Variants in PPARG observed in about 807,000 individuals in gnomAD.
The protein encoded by PPARG is peroxisome proliferator-activated receptor gamma.
A neutral mutation model predicts 39.2 loss-of-function variants in PPARG; 17 were observed. The ratio of observed to expected loss-of-function variants is 0.43; its 90% CI spans 0.30 to 0.65. The LOEUF is 0.65. Ranked by LOEUF, PPARG falls within the 30% of genes least tolerant of loss-of-function variation. PPARG has a pLI of 0.13. For synonymous variants in PPARG, 223 were observed against 215.7 expected, an observed-to-expected ratio of 1.03 and a Z score of -0.30; for missense variants, 406 against 585.9, an observed-to-expected ratio of 0.69 and a Z score of 3.17.
intron 2 of PPARG, among the ~76,000 whole-genome samples, chr3:12,368,700 T>G (rs1437439181): frequency 6.6e-6 from 1 of 152,232 alleles, no homozygotes; most frequent in East Asian, 1.9e-4. Flanking sequence ...TTAGCTATTG[T>G]TACTAAATTG....
intron 5 of PPARG, among the ~76,000 whole-genome samples, chr3:12,403,872 G>T (rs2050565069): frequency 6.6e-6 from 1 of 152,162 alleles, no homozygotes; most frequent in Non-Finnish European, 1.5e-5. Context: ...CTTAATATGT[G>T]CCAGAAATTG....
intron 6 of PPARG, among the ~76,000 whole-genome samples, chr3:12,416,206 C>G (rs541537192): frequency 2.0e-5 from 3 of 152,248 alleles, no homozygotes; most frequent in African/African-American, 7.2e-5. Flanking sequence ...TGGTGAAACC[C>G]CATCTCTACT....
At chr3:12,299,396 T>G (rs1262960395) in intron 1 of PPARG, among the ~76,000 whole-genome samples, 2 of 152,176 alleles carry the variant, frequency 1.3e-5, no homozygotes, top group Non-Finnish European at 2.9e-5. Flanking sequence ...TCTCTGAGAT[T>G]GGTATAGTGT....
chr3:12,361,506 A>G (rs528852550), intron 2 of PPARG, among the ~76,000 whole-genome samples: 6 of 152,338 alleles, frequency 3.9e-5, no homozygotes, highest in Non-Finnish European at 8.8e-5. Flanking sequence ...TCCATAATCC[A>G]CACAGAATTG....
intron 2 of PPARG, among the ~76,000 whole-genome samples, chr3:12,322,169 T>C (rs1157078438): frequency 1.3e-5 from 2 of 152,242 alleles, no homozygotes; most frequent in Non-Finnish European, 2.9e-5. Flanking sequence ...ATCCCTTTAC[T>C]AGCCACTTTT....
At chr3:12,399,822 A>AAC (rs1280042218) in intron 5 of PPARG, among the ~76,000 whole-genome samples, 1 of 144,378 alleles carries the variant, frequency 6.9e-6, no homozygotes, top group African/African-American at 2.6e-5. Flanking sequence ...ATGTCTACCA[A>AAC]AAAAAAAAAA....
intron 7 of PPARG, among the ~76,000 whole-genome samples, chr3:12,420,295 G>A (rs1037275928): frequency 2.6e-5 from 4 of 152,160 alleles, no homozygotes; most frequent in Non-Finnish European, 4.4e-5. Context: ...CCACCTCCCC[G>A]ATTGTGCTTC....
chr3:12,417,217 A>C lies in PPARG; in HGVS notation c.1180+63A>C, dbSNP rs1575141925. On this transcript the variant is annotated intron_variant, in intron 7 of 7. Transcript: ENST00000651735. The stretch of plus-strand genomic sequence containing the variant: ...GGATGATGGTGGGGTGGCCAAAAGA[A>C]TTTTGGATTTCCTTAGTGTTAGTCT... The C allele has an allele frequency of 3.3e-6, 5 of 1,530,854 alleles. No individual in the cohort carries two copies. In the East Asian group the frequency reaches 1.2e-4, roughly 35 times the overall value. The allele number at this position is 1,530,854 out of a possible 1,614,324, so 94.8% of individuals were successfully genotyped here.
At chr3:12,299,084 C>T (rs1316038975) in intron 1 of PPARG, among the ~76,000 whole-genome samples, 1 of 152,184 alleles carries the variant, frequency 6.6e-6, no homozygotes, top group East Asian at 1.9e-4. Flanking sequence ...GTCCTCTGGC[C>T]TCTGCCTCCC....
At chr3:12,431,675 C>T (rs747337073) in intron 7 of PPARG, among the ~76,000 whole-genome samples, 2 of 152,126 alleles carry the variant, frequency 1.3e-5, no homozygotes, top group Non-Finnish European at 2.9e-5. Flanking sequence ...CATGGTGACT[C>T]ATGCCTATAT....
chr3:12,374,608 CAA>C (rs954276705), intron 2 of PPARG, among the ~76,000 whole-genome samples: 3 of 151,872 alleles, frequency 2.0e-5, no homozygotes, highest in Non-Finnish European at 4.4e-5. Flanking sequence ...AAAACAAAAA[CAA>C]AACAAAACAA....
chr3:12,424,101 A>G (rs1487810628), intron 7 of PPARG, among the ~76,000 whole-genome samples: 1 of 152,150 alleles, frequency 6.6e-6, no homozygotes, highest in Non-Finnish European at 1.5e-5. Context: ...ATGTCCCATT[A>G]GTTCACTATT....
At position 12,354,669 on chromosome 3, in the gene PPARG, C is replaced by G. The variant is rs188580112; in HGVS notation, c.-8-25035C>G. On this transcript the variant is annotated intron_variant, in intron 2 of 7. Coordinates refer to ENST00000651735, the MANE Select transcript of PPARG (RefSeq NM_138711.6). ...TCAGGAGGCTGAGGTAGGAGAATGG[C>G]GTGAACCCAGGAGGCAGAGGTTGCA... 7.9e-3 allele frequency among the ~76,000 whole-genome samples: 1,183 copies of G among 149,768 alleles called. 14 individuals carry two copies. The highest frequency in any genetic ancestry group is 0.028 in the African/African-American group (1,136 of 40,712).
intron 2 of PPARG, among the ~76,000 whole-genome samples, chr3:12,343,659 T>G (rs554379732): frequency 1.3e-5 from 2 of 152,298 alleles, no homozygotes; most frequent in South Asian, 4.1e-4. Context: ...GCATTGTGCT[T>G]GTCTTATCCT....
chr3:12,392,903 G>T, intron 5 of PPARG, 151 bp downstream of exon 5: 1 of 1,069,006 alleles, frequency 9.4e-7, no homozygotes, highest in Non-Finnish European at 1.4e-6. Context: ...TTCTCTTTTA[G>T]GTCAGTGTTT....
chr3:12,388,906 G>T (rs529728178), intron 4 of PPARG, among the ~76,000 whole-genome samples: 7 of 152,234 alleles, frequency 4.6e-5, no homozygotes, highest in African/African-American at 1.7e-4. Context: ...CAGTGGAAGG[G>T]TTAGATAGCT....
At chr3:12,412,773 T>A (rs1313590251) in intron 6 of PPARG, among the ~76,000 whole-genome samples, 4 of 152,212 alleles carry the variant, frequency 2.6e-5, no homozygotes, top group African/African-American at 9.6e-5. Flanking sequence ...ATATTTTCCT[T>A]AGAGAGACTC....
chr3:12,295,945 C>T (rs1294310870), intron 1 of PPARG, among the ~76,000 whole-genome samples: 2 of 152,056 alleles, frequency 1.3e-5, no homozygotes, highest in African/African-American at 2.4e-5. Flanking sequence ...TTAGTAGGCA[C>T]TTAAATGTTT....
At chr3:12,301,697 CT>C (rs897320031) in intron 1 of PPARG, 1 of 152,156 alleles carries the variant, frequency 6.6e-6, no homozygotes, top group Non-Finnish European at 1.5e-5. Context: ...ATGCAAGGAA[CT>C]TCCATGCTCT....
Sources: gnomAD v4.1 joint callset for allele counts (sites outside exome capture counted in the v4.1 genomes callset) on GRCh38, gnomAD v4.1.1 for gene constraint, MANE v1.5 for transcripts, NCBI Gene and HGNC (gene_info 2026-07-23, HGNC 2026-07-21) for gene names.